The following MDFIC2 variants were observed in gnomAD, a reference collection of about 807,000 sequenced individuals.
MDFIC2 encodes the protein myoD family inhibitor domain-containing protein 2.
chr3:70,294,657 ATAAAG>A lies in MDFIC2; in HGVS notation c.88+17224_88+17228del, dbSNP rs1036276098. Among the ~76,000 whole-genome samples, 114 of 152,318 alleles carry A rather than the reference ATAAAG, an allele frequency of 7.5e-4. 1 individual carries two copies. The highest frequency in any genetic ancestry group is 2.6e-3 in the African/African-American group (110 of 41,578). The stretch of plus-strand genomic sequence containing the variant: ...ACGTCAACTCAAACAGGCTCAAAAA[ATAAAG>A]TAATTTATGACTCATATATCCATTT... On this transcript the variant is annotated intron_variant, in intron 2 of 3. Coordinates refer to ENST00000567252, the MANE Select transcript of MDFIC2 (RefSeq NM_001364677.1).
intron 2 of MDFIC2, among the ~76,000 whole-genome samples, chr3:70,277,384 A>G (rs1161204818): frequency 2.0e-5 from 3 of 152,176 alleles, no homozygotes; most frequent in Non-Finnish European, 2.9e-5. Flanking sequence ...CTGGCCTCAC[A>G]CAGGCACTCT....
Position 70,281,451 on chromosome 3 carries a change from T to A in MDFIC2, c.88+30435A>T, listed in dbSNP as rs1702082361. Among the ~76,000 whole-genome samples, 3 of 152,192 alleles carry A rather than the reference T, an allele frequency of 2.0e-5. No individual in the cohort carries two copies. In the South Asian group the frequency reaches 6.2e-4, roughly 31 times the overall value. ...TTACCATTTTCTAGGCAAGTAATCG[T>A]GAACAGGCCACTTAGTTTCTTGGGT... On this transcript the variant is annotated intron_variant, in intron 2 of 3. Coordinates refer to ENST00000567252, the MANE Select transcript of MDFIC2 (RefSeq NM_001364677.1).
chr3:70,243,581 G>T lies in MDFIC2; in HGVS notation c.89-36791C>A, dbSNP rs564329159. 3.9e-5 allele frequency among the ~76,000 whole-genome samples: 6 copies of T among 152,280 alleles called. No individual in the cohort carries two copies. The South Asian group carries it at 1.2e-3, about 32-fold the overall frequency. Reference sequence around the variant, plus strand: ...TGCACTATCGTCATTTTGGACTGGAGAATTCTTTGTCGTGGGGGTGCTGTG... The same window carrying T: ...TGCACTATCGTCATTTTGGACTGGATAATTCTTTGTCGTGGGGGTGCTGTG... On this transcript the variant is annotated intron_variant, in intron 2 of 3. Coordinates refer to ENST00000567252, the MANE Select transcript of MDFIC2 (RefSeq NM_001364677.1).
chr3:70,244,520 G>A (rs557979893), intron 2 of MDFIC2, among the ~76,000 whole-genome samples: 1 of 152,298 alleles, frequency 6.6e-6, no homozygotes, highest in South Asian at 2.1e-4. Context: ...AAAGCTGTGA[G>A]TAGGCTAACA....
chr3:70,287,418 A>G (rs1347285958), intron 2 of MDFIC2, among the ~76,000 whole-genome samples: 1 of 151,616 alleles, frequency 6.6e-6, no homozygotes, highest in Admixed American at 6.6e-5. Flanking sequence ...CCACTTGATC[A>G]TGGTGGATAA....
chr3:70,216,854 C>T (rs565383083), intron 2 of MDFIC2, among the ~76,000 whole-genome samples: 15 of 152,192 alleles, frequency 9.9e-5, no homozygotes, highest in African/African-American at 3.4e-4. Flanking sequence ...GGGCTAGATG[C>T]GCTAGCATTT....
At chr3:70,308,024 C>A (rs1702419554) in intron 2 of MDFIC2, among the ~76,000 whole-genome samples, 1 of 152,082 alleles carries the variant, frequency 6.6e-6, no homozygotes, top group East Asian at 1.9e-4. Context: ...CCACAGTTTG[C>A]ATAATGCAGC....
intron 2 of MDFIC2, among the ~76,000 whole-genome samples, chr3:70,257,641 A>T (rs1701829098): frequency 1.3e-5 from 2 of 152,220 alleles, no homozygotes; most frequent in Non-Finnish European, 2.9e-5. Flanking sequence ...GCTATGAAAC[A>T]TTGCTTAGAG....
chr3:70,224,118 A>G (rs1403885375), intron 2 of MDFIC2, among the ~76,000 whole-genome samples: 1 of 152,140 alleles, frequency 6.6e-6, no homozygotes, highest in East Asian at 1.9e-4. Flanking sequence ...GTGTATCTTT[A>G]TCACTAACAA....
intron 2 of MDFIC2, among the ~76,000 whole-genome samples, chr3:70,263,106 G>C (rs1361138503): frequency 1.3e-5 from 2 of 152,070 alleles, no homozygotes; most frequent in Non-Finnish European, 2.9e-5. Flanking sequence ...ATATAGGACA[G>C]ATTTATAATA....
chr3:70,274,101 A>ATG (rs1397030079), intron 2 of MDFIC2, among the ~76,000 whole-genome samples: 5 of 85,496 alleles, frequency 5.8e-5, no homozygotes, highest in Non-Finnish European at 1.4e-4. Context: ...GCGCGCGCGC[A>ATG]TGTGTGTGTG....
chr3:70,201,757 T>C (rs999168699), intron 3 of MDFIC2, among the ~76,000 whole-genome samples: 4 of 152,308 alleles, frequency 2.6e-5, no homozygotes, highest in South Asian at 2.1e-4. Flanking sequence ...TACCAGCTTC[T>C]TGATGGCCTG....
intron 2 of MDFIC2, among the ~76,000 whole-genome samples, chr3:70,309,310 T>C (rs996680516): frequency 1.7e-4 from 26 of 152,152 alleles, no homozygotes; most frequent in Non-Finnish European, 7.4e-5. Context: ...ACCACTTTGT[T>C]GTAGGTATTA....
At chr3:70,211,483 T>C (rs1188508736) in intron 2 of MDFIC2, among the ~76,000 whole-genome samples, 4 of 52,480 alleles carry the variant, frequency 7.6e-5, no homozygotes, top group African/African-American at 2.6e-4. Flanking sequence ...CTTCCCTTCC[T>C]TTCCCTTCCC....
At chr3:70,294,268 AC>A (rs202098983) in intron 2 of MDFIC2, among the ~76,000 whole-genome samples, 3,025 of 152,268 alleles carry the variant, frequency 0.02, 35 homozygotes, top group Non-Finnish European at 0.03. Flanking sequence ...TCTTTATAAA[AC>A]ATTTTCTTTT....
At chr3:70,290,711 G>T (rs1294242777) in intron 2 of MDFIC2, among the ~76,000 whole-genome samples, 4 of 152,140 alleles carry the variant, frequency 2.6e-5, no homozygotes, top group African/African-American at 9.7e-5. Context: ...CAATCAGTGA[G>T]ACTCCGTGGG....
At chr3:70,308,223 T>C (rs1702421124) in intron 2 of MDFIC2, among the ~76,000 whole-genome samples, 1 of 144,348 alleles carries the variant, frequency 6.9e-6, no homozygotes, top group Non-Finnish European at 1.5e-5. Flanking sequence ...GCTAATTTTA[T>C]TTTTTTGTTT....
At chr3:70,221,221 A>G (rs1701458023) in intron 2 of MDFIC2, among the ~76,000 whole-genome samples, 1 of 152,158 alleles carries the variant, frequency 6.6e-6, no homozygotes, top group Admixed American at 6.6e-5. Context: ...TTTATTCATT[A>G]GTGCCTGCTA....
chr3:70,310,336 A>G (rs1702442865), intron 2 of MDFIC2, among the ~76,000 whole-genome samples: 2 of 151,726 alleles, frequency 1.3e-5, no homozygotes, highest in African/African-American at 4.8e-5. Flanking sequence ...TTTTTAAAAT[A>G]AGTATATTTT....
Sources: gnomAD v4.1 joint callset for allele counts (sites outside exome capture counted in the v4.1 genomes callset) on GRCh38, gnomAD v4.1.1 for gene constraint, MANE v1.5 for transcripts, NCBI Gene and HGNC (gene_info 2026-07-23, HGNC 2026-07-21) for gene names.